The following MAN1C1 variants were observed in gnomAD, a reference collection of about 807,000 sequenced individuals.
The protein encoded by MAN1C1 is mannosyl-oligosaccharide 1,2-alpha-mannosidase IC.
Under a neutral mutation model 71.5 loss-of-function variants are expected in MAN1C1, and 49 were observed. The observed-to-expected ratio is 0.69, with a 90% CI of 0.54 to 0.87. The LOEUF is 0.87. Ranked by LOEUF, MAN1C1 falls within the 40% of genes least tolerant of loss-of-function variation. MAN1C1 has a pLI of 0.00. For synonymous variants in MAN1C1, 352 were observed against 343.7 expected (o/e 1.02, Z -0.27); for missense variants, 743 against 835.0 (o/e 0.89, Z 1.36).
Position 25,617,937 on chromosome 1 carries a change from C to G in MAN1C1, c.140C>G (p.Ser47Cys). 1.9e-6 allele frequency: 3 copies of G among 1,607,204 alleles called. No homozygotes were observed. Among genetic ancestry groups the G allele is most frequent in the East Asian group, 2.3e-5 (1 of 44,126 alleles). The part of the protein sequence containing the change: ...FGALFLLPHS[S>C]RLKRLFLAPR... ...GCCCTCTTCCTGCTGCCCCACTCCTCTCGCCTCAAGCGCCTCTTCCTGGCC... is the reference window on the plus strand; with the variant it reads ...GCCCTCTTCCTGCTGCCCCACTCCTGTCGCCTCAAGCGCCTCTTCCTGGCC... Residue 47 changes from serine (S) to cysteine (C), a missense_variant, in exon 1 of 12, where the codon TCT becomes TGT. Ser to Cys is a moderately radical substitution (Grantham distance 112). Coordinates refer to ENST00000374332, the MANE Select transcript of MAN1C1 (RefSeq NM_020379.4). This position sits in a 1 kb window ranked among gnomAD's most constrained non-coding sequence, Gnocchi z 5.1.
intron 2 of MAN1C1, among the ~76,000 whole-genome samples, chr1:25,737,402 C>G (rs892136943): frequency 6.6e-6 from 1 of 152,214 alleles, no homozygotes. Context: ...CCCATTTCGC[C>G]CCCCCGACAG....
At chr1:25,626,945 TA>T (rs975734945) in intron 1 of MAN1C1, among the ~76,000 whole-genome samples, 1 of 152,060 alleles carries the variant, frequency 6.6e-6, no homozygotes, top group African/African-American at 2.4e-5. Flanking sequence ...GTATCTAGTT[TA>T]AAAAAAACTT....
chr1:25,626,741 A>C (rs764841034), intron 1 of MAN1C1, among the ~76,000 whole-genome samples: 22 of 152,202 alleles, frequency 1.4e-4, no homozygotes, highest in Non-Finnish European at 2.9e-4. Context: ...TGGTCTATTT[A>C]CTGTCTTATT....
In MAN1C1 at chr1:25,617,838, C is replaced by T; in HGVS notation, c.41C>T (p.Pro14Leu). The T allele has an allele frequency of 6.2e-7, 1 of 1,605,458 alleles. No individual in the cohort carries two copies. The highest frequency in any genetic ancestry group is 8.5e-7 in the Non-Finnish European group (1 of 1,176,988). ...RKVPGFVPASPWGLRLPQKFL... is the reference protein window; with the variant it reads ...RKVPGFVPASLWGLRLPQKFL... ...GTGCCCGGCTTCGTCCCGGCCTCCC[C>T]GTGGGGGCTGCGGCTGCCGCAGAAG... The change falls in exon 1 of 12, where the codon CCG (proline) becomes CTG (leucine). Residue 14 changes from proline (P) to leucine (L), a missense_variant. Transcript: ENST00000374332. The surrounding 1 kb of genome is among the most constrained non-coding windows in gnomAD (Gnocchi z 5.1).
chr1:25,758,586 T>C lies in MAN1C1; in HGVS notation c.930-6T>C. 1.2e-6 allele frequency: 2 copies of C among 1,613,940 alleles called. No homozygotes were observed. Among genetic ancestry groups the C allele is most frequent in the South Asian group, 1.1e-5 (1 of 91,068 alleles). On this transcript the variant is annotated splice_polypyrimidine_tract_variant and splice_region_variant and intron_variant, in intron 5 of 11. Coordinates refer to ENST00000374332, the MANE Select transcript of MAN1C1 (RefSeq NM_020379.4). Reference sequence around the variant, plus strand: ...GGGATGACGGGGGCTGCTTCTGTCTTTTCAGTGGGAACTGGGGCTGGGCCA... The same window carrying C: ...GGGATGACGGGGGCTGCTTCTGTCTCTTCAGTGGGAACTGGGGCTGGGCCA...
chr1:25,723,379 C>T (rs573908980), intron 2 of MAN1C1, among the ~76,000 whole-genome samples: 46 of 152,336 alleles, frequency 3.0e-4, no homozygotes, highest in African/African-American at 1.1e-3. Context: ...CCAGAGATAC[C>T]TGGTGTTGCC....
At chr1:25,666,739 G>A (rs2045930109) in intron 1 of MAN1C1, among the ~76,000 whole-genome samples, 2 of 152,182 alleles carry the variant, frequency 1.3e-5, no homozygotes, top group South Asian at 2.1e-4. Flanking sequence ...GGCTGTCAGC[G>A]ACAGAAATCT....
chr1:25,682,505 G>A (rs2046168771), intron 1 of MAN1C1, among the ~76,000 whole-genome samples: 1 of 152,142 alleles, frequency 6.6e-6, no homozygotes, highest in Admixed American at 6.5e-5. Flanking sequence ...GAGGTGTGGG[G>A]CTCCTGGAAG....
Position 25,781,095 on chromosome 1 carries a change from G to A in MAN1C1, c.1633G>A (p.Gly545Ser), listed in dbSNP as rs1408442273. 6.2e-7 allele frequency: 1 copy of A among 1,613,906 alleles called. No homozygotes were observed. The highest frequency in any genetic ancestry group is 8.5e-7 in the Non-Finnish European group (1 of 1,179,994). The change falls in exon 10 of 12, where the codon GGC (glycine) becomes AGC (serine). Residue 545 changes from glycine to serine, a missense_variant. By Grantham distance (56) the Gly-to-Ser change is moderately conservative. Coordinates refer to ENST00000374332, the MANE Select transcript of MAN1C1 (RefSeq NM_020379.4). ...CCACAACCCCATCTACAGGGAGTGGGGCTGGGAGGTGGTGCTGGTGAGTGG... is the reference window on the plus strand; with the variant it reads ...CCACAACCCCATCTACAGGGAGTGGAGCTGGGAGGTGGTGCTGGTGAGTGG... ...QTHNPIYREW[G>S]WEVVLALEKY...
rs2047251307 is a variant in MAN1C1, at chr1:25,753,959, C to T, written c.929+381C>T. Among the ~76,000 whole-genome samples the T allele has an allele frequency of 6.6e-6, 1 of 152,138 alleles. No individual in the cohort carries two copies. Among genetic ancestry groups the T allele is most frequent in the African/African-American group, 2.4e-5 (1 of 41,432 alleles). On this transcript the variant is annotated intron_variant, in intron 5 of 11. Coordinates refer to ENST00000374332, the MANE Select transcript of MAN1C1 (RefSeq NM_020379.4). The surrounding 1 kb of genome is among the most constrained non-coding windows in gnomAD (Gnocchi z 4.9). ...TTGACTTGAGAGTCTTCCACAATGG[C>T]CCCAAACACTCTCTTCCCCCGCTGG...
intron 8 of MAN1C1, among the ~76,000 whole-genome samples, chr1:25,773,678 A>G (rs541211223): frequency 6.6e-6 from 1 of 152,360 alleles, no homozygotes; most frequent in African/African-American, 2.4e-5. Context: ...CCCTCAGGGC[A>G]CACAGTAGTT....
intron 2 of MAN1C1, among the ~76,000 whole-genome samples, chr1:25,745,731 T>C (rs2047119707): frequency 6.6e-6 from 1 of 152,232 alleles, no homozygotes; most frequent in Admixed American, 6.5e-5. Context: ...GGCTCACGCC[T>C]GTAATTCCAG....
rs1223782535 is a variant in MAN1C1, at chr1:25,775,489, G to C, written c.1258-2616G>C. ...AGTGTTCCTTGAGCATCTTCTGTGT[G>C]TCGGGCACTGGCTGGAGGCTGCTGC... is the stretch of plus-strand genomic sequence containing the variant. On this transcript the variant is annotated intron_variant, in intron 8 of 11. Transcript: ENST00000374332. The surrounding 1 kb of genome is among the most constrained non-coding windows in gnomAD (Gnocchi z 5.1). Among the ~76,000 whole-genome samples, 1 of 152,266 alleles carries C rather than the reference G, an allele frequency of 6.6e-6. No individual in the cohort carries two copies.
intron 2 of MAN1C1, among the ~76,000 whole-genome samples, chr1:25,726,551 C>G (rs979640629): frequency 1.3e-5 from 2 of 152,120 alleles, no homozygotes; most frequent in Non-Finnish European, 2.9e-5. Context: ...GAAGCCTCAT[C>G]ATCTGCCTTC....
intron 2 of MAN1C1, among the ~76,000 whole-genome samples, chr1:25,729,232 T>A (rs528631616): frequency 1.3e-5 from 2 of 152,296 alleles, no homozygotes; most frequent in East Asian, 3.9e-4. Flanking sequence ...GCTTCCTACC[T>A]CAGGGCCTTT....
intron 2 of MAN1C1, chr1:25,710,255 G>T (rs1190575942): frequency 1.3e-5 from 2 of 152,210 alleles, no homozygotes; most frequent in Non-Finnish European, 1.5e-5. Flanking sequence ...ATCTCACTGA[G>T]CCTCTGTTTC....
chr1:25,667,521 GAAAC>G (rs1340557133), intron 1 of MAN1C1, among the ~76,000 whole-genome samples: 1 of 134,588 alleles, frequency 7.4e-6, no homozygotes, highest in Non-Finnish European at 1.6e-5. Flanking sequence ...CAAAGAAAAA[GAAAC>G]AATGAAACTT....
In MAN1C1 at chr1:25,660,644, C is replaced by T. The variant is rs546437236; in HGVS notation, c.541-25796C>T. The stretch of plus-strand genomic sequence containing the variant: ...TCCTGACCTCGTGATCCGCCCGCCT[C>T]GGCCTCCCAAAAGTGCTGGGATTAC... On this transcript the variant is annotated intron_variant, in intron 1 of 11. Coordinates refer to ENST00000374332, the MANE Select transcript of MAN1C1 (RefSeq NM_020379.4). Among the ~76,000 whole-genome samples the T allele has an allele frequency of 7.0e-4, 106 of 151,848 alleles. 2 individuals are homozygous for T. The highest frequency in any genetic ancestry group is 3.4e-3 in the Middle Eastern group (1 of 294).
chr1:25,719,515 C>G (rs1158550502), intron 2 of MAN1C1, among the ~76,000 whole-genome samples: 1 of 151,866 alleles, frequency 6.6e-6, no homozygotes, highest in Non-Finnish European at 1.5e-5. Context: ...GCCTCGAACT[C>G]CTGGTTTCAA....
Sources: gnomAD v4.1 joint callset for allele counts (sites outside exome capture counted in the v4.1 genomes callset) on GRCh38, gnomAD v4.1.1 for gene constraint, Gnocchi (gnomAD v3.1) non-coding constraint, MANE v1.5 for transcripts, NCBI Gene and HGNC (gene_info 2026-07-23, HGNC 2026-07-21) for gene names.